ITGA2: variants seen among roughly 807,000 people sequenced by gnomAD.
ITGA2 encodes integrin subunit alpha 2, also known as integrin alpha-2.
In ITGA2, 101 loss-of-function variants were observed where a neutral mutation model predicts 146.3. That is an observed-to-expected ratio of 0.69 (90% CI 0.59 to 0.81). ITGA2 has a LOEUF of 0.81. Among genes scored for constraint, ITGA2 ranks in the 40% least tolerant of loss-of-function variants. ITGA2 has a pLI of 0.00. For synonymous variants in ITGA2, 477 were observed against 487.1 expected, an observed-to-expected ratio of 0.98 and a Z score of 0.27; for missense variants, 1,281 against 1,402.7, an observed-to-expected ratio of 0.91 and a Z score of 1.39.
chr5:53,048,850 T>G (rs1355263334), intron 6 of ITGA2, 80 bp downstream of exon 6: 1 of 1,479,734 alleles, frequency 6.8e-7, no homozygotes, highest in Non-Finnish European at 9.3e-7. Context: ...TCTTAATTTT[T>G]GTATTTGCCA....
intron 2 of ITGA2, among the ~76,000 whole-genome samples, chr5:53,028,958 C>G (rs1382626218): frequency 6.6e-6 from 1 of 152,216 alleles, no homozygotes; most frequent in Non-Finnish European, 1.5e-5. Context: ...TGTCTTTGCT[C>G]TAGCCAGTGT....
intron 1 of ITGA2, among the ~76,000 whole-genome samples, chr5:53,014,418 G>T (rs774147983): frequency 2.0e-5 from 3 of 152,002 alleles, no homozygotes; most frequent in Non-Finnish European, 4.4e-5. Context: ...ATTGGCATTT[G>T]TTGCACCAAC....
intron 11 of ITGA2, among the ~76,000 whole-genome samples, chr5:53,060,600 T>A (rs1030524196): frequency 6.6e-6 from 1 of 151,950 alleles, no homozygotes; most frequent in Non-Finnish European, 1.5e-5. Flanking sequence ...CATTTATTCA[T>A]TCGTTCAAGA....
At chr5:53,049,348 C>A (rs1744244871) in intron 6 of ITGA2, among the ~76,000 whole-genome samples, 1 of 152,114 alleles carries the variant, frequency 6.6e-6, no homozygotes. Flanking sequence ...AGTTTCCTGT[C>A]TTTCCCTTCT....
rs760753000 is a variant in ITGA2 at position 53,051,532 on chromosome 5, A to ACACATTCG, written c.753_760dup (p.Gly254AlafsTer27). 3.1e-6 allele frequency: 5 copies of ACACATTCG among 1,613,584 alleles called. No individual in the cohort carries two copies. The Admixed American group carries it at 8.3e-5, about 27-fold the overall frequency. On this transcript the variant is annotated frameshift_variant, in exon 7 of 30. Transcript: ENST00000296585. LOFTEE classifies it high-confidence loss of function. ...TCCCAATATGGTGGGGACCTCACAA[A>ACACATTCG]CACATTCGGAGCAATTCAATATGCA...
At chr5:53,002,674 CAAG>C in intron 1 of ITGA2, among the ~76,000 whole-genome samples, 1 of 152,176 alleles carries the variant, frequency 6.6e-6, no homozygotes, top group East Asian at 1.9e-4. Context: ...CATCATTGTA[CAAG>C]AAGTTTTTTC....
At position 53,048,355 on chromosome 5, in the gene ITGA2, C is replaced by A. The variant is rs768998685; in HGVS notation, c.388-8C>A. ...GTTTCCATTGATTGTTTTCTCATTT[C>A]TTTGAAGACATGTGGTCCTCTGTGG... On this transcript the variant is annotated splice_region_variant and splice_polypyrimidine_tract_variant and intron_variant, in intron 4 of 29. Coordinates refer to ENST00000296585, the MANE Select transcript of ITGA2 (RefSeq NM_002203.4). 49 of 1,606,208 alleles carry A rather than the reference C, an allele frequency of 3.1e-5. No individual in the cohort carries two copies. Among genetic ancestry groups the A allele is most frequent in the South Asian group, 2.3e-4 (21 of 90,946 alleles).
chr5:53,003,484 G>T (rs1398997174), intron 1 of ITGA2, among the ~76,000 whole-genome samples: 2 of 152,180 alleles, frequency 1.3e-5, no homozygotes, highest in African/African-American at 4.8e-5. Flanking sequence ...CTGTTAGAGG[G>T]AGGCAGCTCT....
rs1271128115 is a variant in ITGA2 at position 53,065,895 on chromosome 5, T to A, written c.1861T>A (p.Ser621Thr). The A allele has an allele frequency of 6.2e-7, 1 of 1,612,002 alleles. No individual in the cohort carries two copies. The highest frequency in any genetic ancestry group is 1.7e-5 in the Admixed American group (1 of 59,780). The part of the protein sequence containing the change: ...FRSHLQYFGR[S>T]LDGYGDLNGD... ...GAGCCATCTCCAGTACTTTGGGAGG[T>A]CCTTGGATGGCTATGGAGATTTAAA... Residue 621 changes from serine to threonine, a missense_variant, in exon 15 of 30, where the codon TCC (serine) becomes ACC (threonine). By Grantham distance (58) the Ser-to-Thr change is moderately conservative. This residue lies in a region of ITGA2 where 795 missense variants were observed against 841.7 expected (regional missense o/e 0.94). Transcript: ENST00000296585.
At chr5:53,033,683 T>G (rs1431429879) in intron 2 of ITGA2, among the ~76,000 whole-genome samples, 1 of 151,968 alleles carries the variant, frequency 6.6e-6, no homozygotes, top group African/African-American at 2.4e-5. Flanking sequence ...CTGCAACCTC[T>G]GCCTCCTGGG....
At chr5:53,086,339 G>A (rs1282259949) in intron 27 of ITGA2, among the ~76,000 whole-genome samples, 3 of 152,154 alleles carry the variant, frequency 2.0e-5, no homozygotes, top group Non-Finnish European at 2.9e-5. Context: ...TTATTTGATA[G>A]AAACACTTAG....
rs1255531887 is a variant in ITGA2, at chr5:53,068,560, GA to G, written c.2083+1305del. Among the ~76,000 whole-genome samples the G allele has an allele frequency of 2.0e-5, 3 of 151,792 alleles. No homozygotes were observed. In the East Asian group the frequency reaches 5.8e-4, roughly 30 times the overall value. On this transcript the variant is annotated intron_variant, in intron 16 of 29. Transcript: ENST00000296585. Reference sequence around the variant, plus strand: ...CACACTCAAAAATTCTACTTTCAGAGAATTTCCTTCCCATCCACAGGCTGCC... The same window carrying G: ...CACACTCAAAAATTCTACTTTCAGAGATTTCCTTCCCATCCACAGGCTGCC...
intron 17 of ITGA2, among the ~76,000 whole-genome samples, chr5:53,071,377 AC>A (rs1247992267): frequency 6.6e-6 from 1 of 151,928 alleles, no homozygotes; most frequent in African/African-American, 2.4e-5. Context: ...GTTTAAAAAA[AC>A]AAAATCCTTT....
rs1745452449 is a variant in ITGA2 at position 53,072,630 on chromosome 5, CTG to C, written c.2367_2368del (p.Cys789TrpfsTer2). 6.2e-7 allele frequency: 1 copy of C among 1,610,174 alleles called. No individual in the cohort carries two copies. The highest frequency in any genetic ancestry group is 1.7e-5 in the Admixed American group (1 of 59,610). ...TTTCGTAGATTCCTTTCCACAAAGA[CTG>C]TGGTGAGGACGGACTTTGCATTTCT... Reference protein sequence around the residue: ...KVFSIPFHKDCGEDGLCISDL... With the variant: ...KVFSIPFHKDXGEDGLCISDL... On this transcript the variant is annotated frameshift_variant, in exon 19 of 30. Coordinates refer to ENST00000296585, the MANE Select transcript of ITGA2 (RefSeq NM_002203.4). LOFTEE classifies it high-confidence loss of function.
chr5:53,022,849 G>C (rs1742755421), intron 1 of ITGA2, among the ~76,000 whole-genome samples: 1 of 152,124 alleles, frequency 6.6e-6, no homozygotes, highest in South Asian at 2.1e-4. Context: ...ATCTACATGA[G>C]TTAACTTATG....
At chr5:52,990,153 ACTTGGCAGAGGGGAATT>A (rs1301986792) in intron 1 of ITGA2, 1 of 154,212 alleles carries the variant, frequency 6.5e-6, no homozygotes, top group East Asian at 1.9e-4. Flanking sequence ...CCACTTAAAT[ACTTGGCAGAGGGGAATT>A]CTTCCTTCCC....
rs3212604 is a variant in ITGA2, at chr5:53,078,622, T to G, written c.2826-150T>G. ...AAACATACATTGGACGATAAGCCCATAGGCAAGCATTTCTTTTTATTTGGT... is the reference window on the plus strand; with the variant it reads ...AAACATACATTGGACGATAAGCCCAGAGGCAAGCATTTCTTTTTATTTGGT... On this transcript the variant is annotated intron_variant, in intron 23 of 29. Transcript: ENST00000296585. 308 of 632,632 alleles carry G rather than the reference T, an allele frequency of 4.9e-4. No individual in the cohort carries two copies. The African/African-American group carries it at 4.9e-3, about 10-fold the overall frequency. 39.2% of individuals were successfully genotyped at this position (632,632 alleles called of 1,614,324 possible).
intron 16 of ITGA2, among the ~76,000 whole-genome samples, chr5:53,069,509 T>A (rs963276801): frequency 6.6e-6 from 1 of 151,892 alleles, no homozygotes; most frequent in Non-Finnish European, 1.5e-5. Context: ...TCTCAGTTAA[T>A]CTTCACAATA....
At chr5:53,037,670 G>A (rs1453242263) in intron 2 of ITGA2, among the ~76,000 whole-genome samples, 1 of 152,160 alleles carries the variant, frequency 6.6e-6, no homozygotes, top group Non-Finnish European at 1.5e-5. Context: ...AGGAGAGTCT[G>A]CTGGAAATGT....
Sources: allele counts gnomAD v4.1 joint callset (sites outside exome capture counted in the v4.1 genomes callset), GRCh38; gene constraint gnomAD v4.1.1; regional missense constraint gnomAD v4.1.1; transcripts MANE v1.5; gene names NCBI Gene and HGNC (gene_info 2026-07-23, HGNC 2026-07-21).